Variants in VPS13D observed in about 807,000 individuals in gnomAD.
VPS13D encodes the protein vacuolar protein sorting 13 homolog D.
In VPS13D, 187 loss-of-function variants were observed where a neutral mutation model predicts 461.9. The observed-to-expected ratio is 0.40, with a 90% CI of 0.36 to 0.46. VPS13D has a LOEUF of 0.46. Ranked by LOEUF, VPS13D falls within the 20% of genes least tolerant of loss-of-function variation. VPS13D has a pLI of 0.60. For missense variants in VPS13D, 4,711 were observed against 5,364.9 expected, an observed-to-expected ratio of 0.88 and a Z score of 3.81; for synonymous variants, 1,951 against 1,986.3, an observed-to-expected ratio of 0.98 and a Z score of 0.47.
intron 22 of VPS13D, among the ~76,000 whole-genome samples, chr1:12,290,059 G>T (rs1642082693): frequency 6.6e-6 from 1 of 152,308 alleles, no homozygotes; most frequent in African/African-American, 2.4e-5. Flanking sequence ...AGAGGCAACG[G>T]TTCAGAATAT....
At position 12,395,087 on chromosome 1, in the gene VPS13D, C is replaced by T. The variant is rs974020836; in HGVS notation, c.11635-5094C>T. ...CCTGCCGGGACTTTAGGTCTAGAAG[C>T]AAACAGGGGTGTTGGGGGTGACTCC... On this transcript the variant is annotated intron_variant, in intron 60 of 69. Transcript: ENST00000620676. Among the ~76,000 whole-genome samples, 13 of 151,890 alleles carry T rather than the reference C, an allele frequency of 8.6e-5. 1 individual carries two copies. The highest frequency in any genetic ancestry group is 2.7e-4 in the Admixed American group (4 of 15,072).
intron 19 of VPS13D, among the ~76,000 whole-genome samples, chr1:12,278,520 C>T (rs1176828479): frequency 6.6e-6 from 1 of 152,206 alleles, no homozygotes; most frequent in South Asian, 2.1e-4. Context: ...GGTGATCTGC[C>T]TGCCTCGGCC....
chr1:12,397,194 A>G (rs910371330), intron 60 of VPS13D, among the ~76,000 whole-genome samples: 6 of 152,254 alleles, frequency 3.9e-5, no homozygotes, highest in Non-Finnish European at 8.8e-5. Context: ...TTGGCCTCGC[A>G]GAGTGCTGGG....
intron 65 of VPS13D, among the ~76,000 whole-genome samples, chr1:12,420,399 G>A (rs1644847756): frequency 6.6e-6 from 1 of 152,178 alleles, no homozygotes; most frequent in African/African-American, 2.4e-5. Context: ...TTTAAAGAGT[G>A]CCTGAGTTCC....
chr1:12,272,654 T>C (rs140892979), intron 17 of VPS13D, among the ~76,000 whole-genome samples: 1,776 of 152,304 alleles, frequency 0.012, 18 homozygotes, highest in Non-Finnish European at 0.019. Context: ...CCAATGCCCC[T>C]GAATAAGTAA....
At chr1:12,441,830 C>T (rs1645135386) in intron 65 of VPS13D, among the ~76,000 whole-genome samples, 1 of 152,182 alleles carries the variant, frequency 6.6e-6, no homozygotes, top group Non-Finnish European at 1.5e-5. Context: ...AAGGAATTAA[C>T]TGAAATTCAT....
In VPS13D at chr1:12,271,060, T is replaced by C; in HGVS notation, c.2039T>C (p.Leu680Pro). The change falls in exon 17 of 70, where the codon CTG becomes CCG. Residue 680 changes from leucine to proline, a missense_variant. By Grantham distance (98) the Leu-to-Pro change is moderately conservative. This residue lies in a region of VPS13D where 4,411 missense variants were observed against 4,937.8 expected (regional missense o/e 0.89). Coordinates refer to ENST00000620676, the MANE Select transcript of VPS13D (RefSeq NM_015378.4). The part of the protein sequence containing the change: ...AEAARRQYNK[L>P]KMQTKAEIRQ... ...GCTGCCCGAAGACAATATAACAAGCTGAAGATGCAGACCAAGGCAGAAATC... is the reference window on the plus strand; with the variant it reads ...GCTGCCCGAAGACAATATAACAAGCCGAAGATGCAGACCAAGGCAGAAATC... 6.2e-7 allele frequency: 1 copy of C among 1,614,018 alleles called. No individual in the cohort carries two copies. Among genetic ancestry groups the C allele is most frequent in the Non-Finnish European group, 8.5e-7 (1 of 1,179,962 alleles).
chr1:12,340,924 G>C (rs1029544690), intron 40 of VPS13D, among the ~76,000 whole-genome samples: 2 of 152,204 alleles, frequency 1.3e-5, no homozygotes, highest in African/African-American at 4.8e-5. Context: ...TCAGTACTCT[G>C]TGTTCCATGT....
intron 62 of VPS13D, among the ~76,000 whole-genome samples, chr1:12,402,972 C>T (rs567974619): frequency 2.0e-4 from 31 of 152,304 alleles, no homozygotes; most frequent in African/African-American, 6.5e-4. Context: ...TCCTGCTGCT[C>T]CTTAAAGTAC....
chr1:12,326,342 T>TA (rs1022569896), intron 35 of VPS13D, among the ~76,000 whole-genome samples: 6 of 143,988 alleles, frequency 4.2e-5, no homozygotes, highest in African/African-American at 1.6e-4. Context: ...TTTTTTTTTT[T>TA]AATTTTAGAT....
chr1:12,492,185 G>A (rs1005065999), intron 67 of VPS13D, among the ~76,000 whole-genome samples: 18 of 152,244 alleles, frequency 1.2e-4, no homozygotes, highest in Non-Finnish European at 1.3e-4. Flanking sequence ...GGCCTGAGTC[G>A]TTTAGACGTT....
chr1:12,310,509 T>G (rs2101493583), intron 27 of VPS13D, among the ~76,000 whole-genome samples: 1 of 152,236 alleles, frequency 6.6e-6, no homozygotes, highest in East Asian at 1.9e-4. Context: ...CCTCTTCAAC[T>G]TTACTTCTGT....
intron 58 of VPS13D, among the ~76,000 whole-genome samples, chr1:12,383,711 G>A (rs1438965753): frequency 1.3e-5 from 2 of 152,158 alleles, no homozygotes; most frequent in Non-Finnish European, 2.9e-5. Flanking sequence ...TCATCAACAG[G>A]TATTTACTGA....
chr1:12,411,885 G>A (rs1216905292), intron 63 of VPS13D, among the ~76,000 whole-genome samples: 1 of 152,186 alleles, frequency 6.6e-6, no homozygotes, highest in Non-Finnish European at 1.5e-5. Context: ...TCTTCACGTG[G>A]TGGAAGCATC....
At chr1:12,343,937 A>G (rs1643622735) in intron 42 of VPS13D, among the ~76,000 whole-genome samples, 1 of 152,246 alleles carries the variant, frequency 6.6e-6, no homozygotes. Context: ...TTTAACAAGC[A>G]GCTAGTTTCA....
At chr1:12,421,914 T>A (rs1644869209) in intron 65 of VPS13D, among the ~76,000 whole-genome samples, 1 of 152,128 alleles carries the variant, frequency 6.6e-6, no homozygotes, top group Admixed American at 6.5e-5. Context: ...TCTGCCCTCC[T>A]GGGTTCAAGC....
At chr1:12,503,940 G>A (rs747472221) in intron 68 of VPS13D, among the ~76,000 whole-genome samples, 1 of 152,158 alleles carries the variant, frequency 6.6e-6, no homozygotes, top group Non-Finnish European at 1.5e-5. Context: ...GGAATTACCT[G>A]TGGCTTTAGG....
intron 65 of VPS13D, among the ~76,000 whole-genome samples, chr1:12,440,374 G>A (rs1479076641): frequency 6.6e-6 from 1 of 152,216 alleles, no homozygotes; most frequent in African/African-American, 2.4e-5. Flanking sequence ...GGGAAGAGCA[G>A]GGCTGGAGCA....
intron 67 of VPS13D, among the ~76,000 whole-genome samples, chr1:12,461,906 A>G (rs76180536): frequency 1.3e-5 from 2 of 152,330 alleles, no homozygotes; most frequent in Non-Finnish European, 2.9e-5. Flanking sequence ...TTTTAGGAGC[A>G]CAAGTAATGT....
Sources: allele counts gnomAD v4.1 joint callset (sites outside exome capture counted in the v4.1 genomes callset), GRCh38; gene constraint gnomAD v4.1.1; regional missense constraint gnomAD v4.1.1; transcripts MANE v1.5; gene names NCBI Gene and HGNC (gene_info 2026-07-23, HGNC 2026-07-21).